The following DAGLA variants were observed in gnomAD, a reference collection of about 807,000 sequenced individuals.
DAGLA encodes diacylglycerol lipase alpha.
Under a neutral mutation model 102.6 loss-of-function variants are expected in DAGLA, and 22 were observed. That is an observed-to-expected ratio of 0.21 (90% confidence interval 0.15 to 0.31). The LOEUF is 0.31. Among genes scored for constraint, DAGLA ranks in the 10% least tolerant of loss-of-function variants. DAGLA has a pLI of 1.00. For synonymous variants in DAGLA, 578 were observed against 628.9 expected (o/e 0.92, Z 1.21); for missense variants, 927 against 1,446.6 (o/e 0.64, Z 5.83).
Position 61,684,081 on chromosome 11 carries a change from G to A in DAGLA, c.-45+3577G>A, listed in dbSNP as rs375741789. ...TGTGGCCAGAGGATGCTGGACCAGA[G>A]CTGACAGCAGCGGGCCAGAAGGCTG... On this transcript the variant is annotated intron_variant, in intron 1 of 19. Transcript: ENST00000257215. This position sits in a 1 kb window ranked among gnomAD's most constrained non-coding sequence, Gnocchi z 4.5. 1.1e-4 allele frequency among the ~76,000 whole-genome samples: 17 copies of A among 152,362 alleles called. No homozygotes were observed. The East Asian group carries it at 3.3e-3, about 29-fold the overall frequency.
rs1460900362 is a variant in DAGLA, at chr11:61,695,664, GTTC to G, written c.-45+15166_-45+15168del. ...AAGGAGGCTTTGTGCCTGGCTTTCT[GTTC>G]TTCTTGGCTCCTCTTTGCTCCTCCT... On this transcript the variant is annotated intron_variant, in intron 1 of 19. Coordinates refer to ENST00000257215, the MANE Select transcript of DAGLA (RefSeq NM_006133.3). Among the ~76,000 whole-genome samples the G allele has an allele frequency of 5.3e-5, 8 of 152,328 alleles. No homozygotes were observed. In the East Asian group the frequency reaches 1.5e-3, roughly 29 times the overall value.
chr11:61,694,704 C>T (rs954365932), intron 1 of DAGLA, among the ~76,000 whole-genome samples: 8 of 152,120 alleles, frequency 5.3e-5, no homozygotes, highest in South Asian at 4.2e-4. Flanking sequence ...CGAGTGGCTC[C>T]GTGGGGAGGA....
intron 1 of DAGLA, among the ~76,000 whole-genome samples, chr11:61,689,714 C>T (rs1051560500): frequency 3.6e-5 from 5 of 137,502 alleles, no homozygotes; most frequent in African/African-American, 1.3e-4. Context: ...CCGTGTTAGC[C>T]AGGATGGTCT....
intron 6 of DAGLA, among the ~76,000 whole-genome samples, 189 bp downstream of exon 6, chr11:61,726,271 A>T (rs911093251): frequency 4.6e-5 from 7 of 152,260 alleles, no homozygotes; most frequent in Admixed American, 2.6e-4. Flanking sequence ...AGCACGCAGG[A>T]CCACGTCCAC....
At chr11:61,728,419 C>A in intron 7 of DAGLA, 132 bp downstream of exon 7, 2 of 1,151,466 alleles carry the variant, frequency 1.7e-6, no homozygotes, top group Non-Finnish European at 2.4e-6. Flanking sequence ...TCTCTTGGAC[C>A]CTGGAGGTCA....
chr11:61,682,972 G>A (rs1205211776), intron 1 of DAGLA, among the ~76,000 whole-genome samples: 1 of 152,190 alleles, frequency 6.6e-6, no homozygotes, highest in Non-Finnish European at 1.5e-5. Context: ...TCTGGCTGAA[G>A]TGCCTTCCCA....
chr11:61,722,469 C>A (rs2065292362), intron 3 of DAGLA, among the ~76,000 whole-genome samples: 1 of 152,118 alleles, frequency 6.6e-6, no homozygotes, highest in African/African-American at 2.4e-5. Flanking sequence ...GCGTGTAATC[C>A]CATCTACCCT....
chr11:61,689,183 C>T (rs2065006606), intron 1 of DAGLA, among the ~76,000 whole-genome samples: 1 of 152,280 alleles, frequency 6.6e-6, no homozygotes, highest in Non-Finnish European at 1.5e-5. Flanking sequence ...GGGACAGCTG[C>T]CCCGCTGCAG....
chr11:61,728,300 A>G lies in DAGLA; in HGVS notation c.771+13A>G, dbSNP rs770273117. On this transcript the variant is annotated intron_variant, in intron 7 of 19. Transcript: ENST00000257215. ...CGTGCTGGACGAGGTGAGCACCACC[A>G]GCCCCTTCTCCAGGTCACCTCTCCA... 2 of 1,607,520 alleles carry G rather than the reference A, an allele frequency of 1.2e-6. No homozygotes were observed. The highest frequency in any genetic ancestry group is 8.5e-7 in the Non-Finnish European group (1 of 1,179,328).
At position 61,741,295 on chromosome 11, in the gene DAGLA, C is replaced by T. The variant is rs1466221344; in HGVS notation, c.2117C>T (p.Pro706Leu). The T allele has an allele frequency of 1.2e-6, 2 of 1,612,616 alleles. No individual in the cohort carries two copies. Among genetic ancestry groups the T allele is most frequent in the Admixed American group, 1.7e-5 (1 of 60,032 alleles). The change falls in exon 19 of 20, where the codon CCC (proline) becomes CTC (leucine). Residue 706 changes from proline (P) to leucine (L), a missense_variant. Transcript: ENST00000257215. The stretch of plus-strand genomic sequence containing the variant: ...CCACTCCCCACGGGGCCGCCCATGC[C>T]CACTGGCCTTGCCCTGGAGCTGCCG... ...QQPLPTGPPM[P>L]TGLALELPTA...
rs145797037 is a variant in DAGLA, at chr11:61,739,593, C to G, written c.1785C>G (p.Ala595=). The stretch of plus-strand genomic sequence containing the variant: ...GCGACCTAACTATAGCCCTCTCAGC[C>G]AGCACTCCACTCTACCCGCCCGGCC... The part of the protein sequence containing the change: ...HPSDLTIALS[A]STPLYPPGRI... Residue 595 remains alanine, a synonymous_variant, in exon 17 of 20, where the codon GCC becomes GCG. Transcript: ENST00000257215. 449 of 1,614,170 alleles carry G rather than the reference C, an allele frequency of 2.8e-4. 1 individual carries two copies. The Middle Eastern group carries it at 5.3e-3, about 19-fold the overall frequency.
chr11:61,704,452 C>T (rs555947941), intron 1 of DAGLA, among the ~76,000 whole-genome samples: 11 of 152,242 alleles, frequency 7.2e-5, no homozygotes, highest in Admixed American at 5.2e-4. Flanking sequence ...CCAGCTCTTA[C>T]GCAGAAAGGC....
intron 18 of DAGLA, 79 bp from the exon 19 acceptor site, chr11:61,741,083 G>T: frequency 7.2e-7 from 1 of 1,397,368 alleles, no homozygotes; most frequent in Non-Finnish European, 9.7e-7. Flanking sequence ...TGAGAGGCCT[G>T]GGCCCTGGCT....
At position 61,744,026 on chromosome 11, in the gene DAGLA, C is replaced by T. The variant is rs3741252; in HGVS notation, c.2666C>T (p.Pro889Leu). 135,238 of 1,611,926 alleles carry T rather than the reference C, an allele frequency of 0.084. 9,497 individuals carry two copies. Among genetic ancestry groups the T allele is most frequent in the East Asian group, 0.34 (15,415 of 44,832 alleles). ...EEEVGGGGGG[P>L]ASRGELALHN... Reference sequence around the variant, plus strand: ...GAGGTTGGCGGTGGGGGTGGCGGGCCGGCCTCCCGCGGGGAGCTGGCGCTG... The same window carrying T: ...GAGGTTGGCGGTGGGGGTGGCGGGCTGGCCTCCCGCGGGGAGCTGGCGCTG... The change falls in exon 20 of 20, where the codon CCG (proline) becomes CTG (leucine). Residue 889 changes from proline to leucine, a missense_variant. Physicochemically the swap from Pro to Leu is moderately conservative, Grantham distance 98 (BLOSUM62 -3). Coordinates refer to ENST00000257215, the MANE Select transcript of DAGLA (RefSeq NM_006133.3).
chr11:61,740,712 AGT>A (rs2065470551), intron 18 of DAGLA, 120 bp downstream of exon 18: 1 of 1,353,866 alleles, frequency 7.4e-7, no homozygotes, highest in Admixed American at 2.0e-5. Flanking sequence ...GGCTCAGAGA[AGT>A]AGGTAGCTGG....
At chr11:61,723,015 G>A (rs1380991953) in intron 4 of DAGLA, 55 bp downstream of exon 4, 4 of 1,358,716 alleles carry the variant, frequency 2.9e-6, no homozygotes, top group South Asian at 1.2e-5. Flanking sequence ...CACAGGGGAC[G>A]AGATCAGTTT....
chr11:61,740,687 A>C (rs1591054999), intron 18 of DAGLA, 95 bp downstream of exon 18: 2 of 1,509,374 alleles, frequency 1.3e-6, no homozygotes, highest in East Asian at 2.3e-5. Context: ...CCGATTTTAC[A>C]GACAAGGGTG....
chr11:61,716,726 A>G (rs2065238616), intron 1 of DAGLA, among the ~76,000 whole-genome samples: 1 of 152,196 alleles, frequency 6.6e-6, no homozygotes, highest in Non-Finnish European at 1.5e-5. Flanking sequence ...GGAGCCAGGA[A>G]GGTTTTTAAA....
At chr11:61,730,284 TGTGACTCCCATCAA>T (rs1456845787) in intron 8 of DAGLA, among the ~76,000 whole-genome samples, 1 of 151,942 alleles carries the variant, frequency 6.6e-6, no homozygotes, top group Admixed American at 6.5e-5. Context: ...GGCAGGCAGC[TGTGACTCCCATCAA>T]GTGACTCCCA....
Sources: allele counts gnomAD v4.1 joint callset (sites outside exome capture counted in the v4.1 genomes callset), GRCh38; gene constraint gnomAD v4.1.1; non-coding constraint Gnocchi (gnomAD v3.1); transcripts MANE v1.5; gene names NCBI Gene and HGNC (gene_info 2026-07-23, HGNC 2026-07-21).